The following CAMKK2 variants were observed in gnomAD, a reference collection of about 807,000 sequenced individuals.
CAMKK2 encodes calcium/calmodulin dependent protein kinase kinase 2.
Under a neutral mutation model 67.2 loss-of-function variants are expected in CAMKK2, and 30 were observed. The observed-to-expected ratio is 0.45, with a 90% confidence interval of 0.33 to 0.61. The LOEUF (loss-of-function observed/expected upper bound fraction) is 0.61, where lower values mean the gene tolerates loss of function less well. CAMKK2 is among the 20% of genes least tolerant of loss of function. The pLI is 0.02. For synonymous variants in CAMKK2, 322 were observed against 326.2 expected (o/e 0.99, Z 0.14); for missense variants, 643 against 802.0 (o/e 0.80, Z 2.39).
intron 2 of CAMKK2, among the ~76,000 whole-genome samples, chr12:121,272,416 G>A (rs1895957674): frequency 6.6e-6 from 1 of 152,116 alleles, no homozygotes; most frequent in Admixed American, 6.6e-5. Context: ...AAGAAGCTAA[G>A]CTAAAAAGGA....
Position 121,250,014 on chromosome 12 carries a change from C to A in CAMKK2, c.1182G>T (p.Arg394=). The A allele has an allele frequency of 1.2e-6, 2 of 1,613,564 alleles. No homozygotes were observed. The change falls in exon 12 of 17, where the codon CGG becomes CGT. Residue 394 remains arginine (R), a synonymous_variant. Coordinates refer to ENST00000404169, the MANE Select transcript of CAMKK2 (RefSeq NM_001270485.2). ...VFGQCPFMDE[R]IMCLHSKIKS... Reference sequence around the variant, plus strand: ...TGATCTTACTGTGTAAACACATGATCCGCTCGTCCATGAATGGGCACTGCA... The same window carrying A: ...TGATCTTACTGTGTAAACACATGATACGCTCGTCCATGAATGGGCACTGCA...
At chr12:121,276,173 A>AG (rs1432804473) in intron 1 of CAMKK2, among the ~76,000 whole-genome samples, 32 of 150,258 alleles carry the variant, frequency 2.1e-4, no homozygotes, top group African/African-American at 5.6e-4. Flanking sequence ...AAAAAAAAAA[A>AG]AGAGAGAGAA....
At position 121,296,127 on chromosome 12, in the gene CAMKK2, C is replaced by T. The variant is rs1233714190; in HGVS notation, c.-60+511G>A. ...CAGCCAAAGGTCCCCTAGGTCCCCA[C>T]AACTGCTGGCCTAGGGTCCTGCCAC... is the stretch of plus-strand genomic sequence containing the variant. On this transcript the variant is annotated intron_variant, in intron 1 of 16. Coordinates refer to ENST00000404169, the MANE Select transcript of CAMKK2 (RefSeq NM_001270485.2). The surrounding 1 kb of genome is among the most constrained non-coding windows in gnomAD (Gnocchi z 7.1). 6.6e-6 allele frequency among the ~76,000 whole-genome samples: 1 copy of T among 152,230 alleles called. No homozygotes were observed. The highest frequency in any genetic ancestry group is 2.4e-5 in the African/African-American group (1 of 41,468).
intron 2 of CAMKK2, among the ~76,000 whole-genome samples, chr12:121,271,574 G>C (rs1895797663): frequency 6.6e-6 from 1 of 152,170 alleles, no homozygotes; most frequent in Admixed American, 6.5e-5. Context: ...ACATTGTCCT[G>C]TAAAAACATA....
intron 11 of CAMKK2, among the ~76,000 whole-genome samples, chr12:121,251,321 G>A (rs1593299717): frequency 6.6e-6 from 1 of 152,132 alleles, no homozygotes; most frequent in Non-Finnish European, 1.5e-5. Flanking sequence ...TCCAGGTGGT[G>A]GGTATGTGGG....
intron 14 of CAMKK2, 87 bp downstream of exon 14, chr12:121,248,519 G>A: frequency 2.6e-6 from 4 of 1,523,556 alleles, no homozygotes; most frequent in Non-Finnish European, 3.6e-6. Context: ...TGACTCCCGG[G>A]CACCCGCCTG....
At chr12:121,279,815 C>T (rs1338723828) in intron 1 of CAMKK2, among the ~76,000 whole-genome samples, 1 of 152,226 alleles carries the variant, frequency 6.6e-6, no homozygotes, top group Non-Finnish European at 1.5e-5. Context: ...GGACCCGGGA[C>T]CCGGGCCAGG....
chr12:121,273,395 G>T (rs1896142244), intron 2 of CAMKK2, among the ~76,000 whole-genome samples: 1 of 152,088 alleles, frequency 6.6e-6, no homozygotes, highest in South Asian at 2.1e-4. Context: ...AGAATGGCAG[G>T]AGGGATGGGA....
rs766375700 is a variant in CAMKK2 at position 121,288,025 on chromosome 12, G to C, written c.-60+8613C>G. 1.3e-5 allele frequency among the ~76,000 whole-genome samples: 2 copies of C among 152,150 alleles called. 1 individual carries two copies. Among genetic ancestry groups the C allele is most frequent in the East Asian group, 3.8e-4 (2 of 5,198 alleles). On this transcript the variant is annotated intron_variant, in intron 1 of 16. Coordinates refer to ENST00000404169, the MANE Select transcript of CAMKK2 (RefSeq NM_001270485.2). Reference sequence around the variant, plus strand: ...TAAAAATAAAACCAGGTGTGCATGGGTGGCCCCAGCCTTGAAGTGTGAGGA... The same window carrying C: ...TAAAAATAAAACCAGGTGTGCATGGCTGGCCCCAGCCTTGAAGTGTGAGGA...
chr12:121,249,730 G>A (rs765874802), intron 13 of CAMKK2, 57 bp downstream of exon 13: 2 of 1,406,338 alleles, frequency 1.4e-6, no homozygotes, highest in Non-Finnish European at 2.0e-6. Context: ...GGGTCTGGCT[G>A]AGGCATGGCT....
intron 1 of CAMKK2, among the ~76,000 whole-genome samples, chr12:121,278,693 C>T (rs1474881281): frequency 4.6e-5 from 7 of 152,218 alleles, no homozygotes; most frequent in South Asian, 4.1e-4. Flanking sequence ...CCTTGACTTC[C>T]GCCATGATTA....
intron 14 of CAMKK2, 71 bp downstream of exon 14, chr12:121,248,535 G>A (rs533133609): frequency 7.0e-5 from 111 of 1,588,070 alleles, no homozygotes; most frequent in South Asian, 4.4e-4. Context: ...GCCTGTGTCC[G>A]GCCTGTCCTG....
At chr12:121,277,684 A>C (rs1897062889) in intron 1 of CAMKK2, among the ~76,000 whole-genome samples, 1 of 152,344 alleles carries the variant, frequency 6.6e-6, no homozygotes, top group South Asian at 2.1e-4. Context: ...AGTCAAATTC[A>C]GGCCAGATGC....
intron 1 of CAMKK2, among the ~76,000 whole-genome samples, chr12:121,286,687 G>A (rs528674486): frequency 3.2e-4 from 48 of 152,010 alleles, no homozygotes; most frequent in South Asian, 8.3e-4. Flanking sequence ...GCAACTACAG[G>A]TGCGCACCAC....
Position 121,248,625 on chromosome 12 carries a change from ATG to A in CAMKK2, c.1431_1432del (p.Ile478SerfsTer15). The A allele has an allele frequency of 6.2e-7, 1 of 1,614,080 alleles. No homozygotes were observed. The highest frequency in any genetic ancestry group is 8.5e-7 in the Non-Finnish European group (1 of 1,179,952). On this transcript the variant is annotated frameshift_variant, in exon 14 of 17. Coordinates refer to ENST00000404169, the MANE Select transcript of CAMKK2 (RefSeq NM_001270485.2). LOFTEE classifies it high-confidence loss of function. ...CCTTACCACGGTTGCCAAGCTGGGA[ATG>A]TGTTTGACTGAGTTCTCGACCTCCT...
intron 15 of CAMKK2, 55 bp from the exon 16 acceptor site, chr12:121,244,670 C>A: frequency 1.4e-6 from 2 of 1,387,050 alleles, no homozygotes; most frequent in Non-Finnish European, 9.9e-7. Flanking sequence ...TTGGGATCCA[C>A]GGGATGCCCG....
At chr12:121,258,022 C>CTT (rs5801429) in intron 7 of CAMKK2, among the ~76,000 whole-genome samples, 5 of 120,066 alleles carry the variant, frequency 4.2e-5, no homozygotes, top group African/African-American at 9.9e-5. Flanking sequence ...GAGTTTTCTA[C>CTT]TTTTTTTTTT....
At chr12:121,246,672 C>A (rs928710656) in intron 14 of CAMKK2, among the ~76,000 whole-genome samples, 2 of 152,144 alleles carry the variant, frequency 1.3e-5, no homozygotes, top group African/African-American at 4.8e-5. Flanking sequence ...GCCCACCCTG[C>A]CGCCTCCCCT....
intron 1 of CAMKK2, among the ~76,000 whole-genome samples, chr12:121,281,802 C>T (rs1277262130): frequency 1.3e-5 from 2 of 152,152 alleles, no homozygotes; most frequent in Non-Finnish European, 2.9e-5. Context: ...CAAAAATAGC[C>T]AGGTGTGGTG....
Sources: allele counts gnomAD v4.1 joint callset (sites outside exome capture counted in the v4.1 genomes callset), GRCh38; gene constraint gnomAD v4.1.1; non-coding constraint Gnocchi (gnomAD v3.1); transcripts MANE v1.5; gene names NCBI Gene and HGNC (gene_info 2026-07-23, HGNC 2026-07-21).